Variants in VCL observed in about 807,000 individuals in gnomAD.
The protein encoded by VCL is epididymis luminal protein 114.
VCL carries 47 observed loss-of-function variants against 125.7 expected under a neutral mutation model. That is an observed-to-expected ratio of 0.37 (90% CI 0.30 to 0.48). VCL has a LOEUF of 0.48. Among genes scored for constraint, VCL ranks in the 20% least tolerant of loss-of-function variants. The probability of loss-of-function intolerance (pLI) is 0.99; values close to 1 mark genes in which losing one functional copy is unlikely to be tolerated. For missense variants in VCL, 1,069 were observed against 1,455.5 expected, an observed-to-expected ratio of 0.73 and a Z score of 4.32; for synonymous variants, 458 against 514.6, an observed-to-expected ratio of 0.89 and a Z score of 1.49.
At chr10:74,107,888 T>G (rs995273747) in intron 17 of VCL, among the ~76,000 whole-genome samples, 3 of 152,190 alleles carry the variant, frequency 2.0e-5, no homozygotes, top group Admixed American at 6.5e-5. Flanking sequence ...GAATATATTT[T>G]TACATGGTGT....
intron 2 of VCL, among the ~76,000 whole-genome samples, chr10:74,052,161 T>C (rs890915633): frequency 3.3e-5 from 5 of 152,112 alleles, no homozygotes; most frequent in Admixed American, 6.6e-5. Flanking sequence ...CCCTGGTGGG[T>C]GTGTCTTATG....
intron 2 of VCL, among the ~76,000 whole-genome samples, chr10:74,051,084 C>T (rs1841290442): frequency 6.6e-6 from 1 of 151,878 alleles, no homozygotes; most frequent in South Asian, 2.1e-4. Flanking sequence ...GGATTACAGG[C>T]ATATGCCACC....
intron 2 of VCL, among the ~76,000 whole-genome samples, chr10:74,065,246 C>T (rs111819151): frequency 0.023 from 3,418 of 151,706 alleles, 66 homozygotes; most frequent in South Asian, 0.074. Context: ...AAGCAATTCT[C>T]CTGCCTCAGC....
At position 74,100,997 on chromosome 10, in the gene VCL, G is replaced by C; in HGVS notation, c.1922G>C (p.Gly641Ala). ...TTTGAAAACCATTCAGGAAAGCTTG[G>C]TGCTACGGCCGAGAAGGCGGCTGCG... ...ANFENHSGKL[G>A]ATAEKAAAVG... Residue 641 changes from glycine (G) to alanine (A), a missense_variant, in exon 14 of 22, where the codon GGT (glycine) becomes GCT (alanine). Physicochemically the swap from Gly to Ala is moderately conservative, Grantham distance 60. Coordinates refer to ENST00000211998, the MANE Select transcript of VCL (RefSeq NM_014000.3). 1 of 1,614,046 alleles carries C rather than the reference G, an allele frequency of 6.2e-7. No homozygotes were observed.
intron 16 of VCL, 115 bp downstream of exon 16, chr10:74,105,468 A>G (rs760240838): frequency 3.5e-5 from 45 of 1,284,924 alleles, no homozygotes; most frequent in Non-Finnish European, 4.4e-5. Flanking sequence ...CAAAAACTAT[A>G]GACACTTAGT....
chr10:73,998,617 G>A (rs1196163266), intron 1 of VCL, among the ~76,000 whole-genome samples: 1 of 152,224 alleles, frequency 6.6e-6, no homozygotes, highest in South Asian at 2.1e-4. Flanking sequence ...GCTGCCTTGC[G>A]GGCTTGTCGT....
At chr10:74,036,747 G>A (rs1441825622) in intron 1 of VCL, among the ~76,000 whole-genome samples, 1 of 151,302 alleles carries the variant, frequency 6.6e-6, no homozygotes, top group Non-Finnish European at 1.5e-5. Context: ...GATTCTTACT[G>A]ACCTGTTTGC....
chr10:74,038,085 C>T lies in VCL; in HGVS notation c.169-4998C>T, dbSNP rs548991794. 2.0e-5 allele frequency among the ~76,000 whole-genome samples: 3 copies of T among 151,864 alleles called. No individual in the cohort carries two copies. In the South Asian group the frequency reaches 6.2e-4, roughly 32 times the overall value. Reference sequence around the variant, plus strand: ...CGATCTCAGTTCACTGCAACCTCCTCCTCCCAGGTTCAAGCAATTTTCCTG... The same window carrying T: ...CGATCTCAGTTCACTGCAACCTCCTTCTCCCAGGTTCAAGCAATTTTCCTG... On this transcript the variant is annotated intron_variant, in intron 1 of 21. Transcript: ENST00000211998.
chr10:74,076,422 T>C (rs1469529580), intron 6 of VCL: 1 of 152,658 alleles, frequency 6.6e-6, no homozygotes, highest in Non-Finnish European at 1.5e-5. Flanking sequence ...GTCTTTCCCA[T>C]TGACTTCATT....
intron 8 of VCL, among the ~76,000 whole-genome samples, chr10:74,086,688 C>T (rs764976869): frequency 4.6e-4 from 70 of 152,262 alleles, no homozygotes; most frequent in Non-Finnish European, 8.5e-4. Context: ...TGTAGGGGTT[C>T]CACCATTAAT....
chr10:74,042,931 C>G lies in VCL; in HGVS notation c.169-152C>G. 7.2e-6 allele frequency: 5 copies of G among 696,992 alleles called. No homozygotes were observed. In the South Asian group the frequency reaches 9.2e-5, roughly 13 times the overall value. The allele number at this position is 696,992 out of a possible 1,614,324, so 43.2% of individuals were successfully genotyped here. On this transcript the variant is annotated intron_variant, in intron 1 of 21. Coordinates refer to ENST00000211998, the MANE Select transcript of VCL (RefSeq NM_014000.3). ...TGTGAAGGCATATTATGTGAGTAAT[C>G]CTAAAAAATTTTTTAAATCCAGAAA...
intron 2 of VCL, among the ~76,000 whole-genome samples, chr10:74,062,735 C>T (rs371427899): frequency 1.4e-4 from 22 of 152,156 alleles, no homozygotes; most frequent in African/African-American, 3.9e-4. Context: ...CAGGTACTTA[C>T]CACTGTTCCT....
At chr10:74,012,398 G>C (rs182920073) in intron 1 of VCL, among the ~76,000 whole-genome samples, 5 of 152,292 alleles carry the variant, frequency 3.3e-5, no homozygotes, top group Admixed American at 3.3e-4. Context: ...GGATATATAA[G>C]ATATGGTCTC....
chr10:74,062,872 A>C (rs1841501970), intron 2 of VCL, among the ~76,000 whole-genome samples: 1 of 152,052 alleles, frequency 6.6e-6, no homozygotes, highest in Non-Finnish European at 1.5e-5. Flanking sequence ...GTTCGAGACC[A>C]GCCTGGCCAT....
intron 10 of VCL, among the ~76,000 whole-genome samples, chr10:74,091,163 A>G (rs562120215): frequency 1.2e-4 from 18 of 152,314 alleles, no homozygotes; most frequent in African/African-American, 4.1e-4. Context: ...CACATGCTAA[A>G]ATAACACTAA....
chr10:74,001,905 C>T (rs1840232512), intron 1 of VCL, among the ~76,000 whole-genome samples: 1 of 152,076 alleles, frequency 6.6e-6, no homozygotes, highest in South Asian at 2.1e-4. Flanking sequence ...AGAAAGTGTA[C>T]ATTTTGACTG....
At chr10:74,007,232 G>A (rs912338277) in intron 1 of VCL, among the ~76,000 whole-genome samples, 2 of 152,160 alleles carry the variant, frequency 1.3e-5, no homozygotes, top group Admixed American at 1.3e-4. Context: ...ACCTGCCTTG[G>A]CCTCCCAAAG....
rs1564537252 is a variant in VCL, at chr10:74,119,081, T to TATC, written c.*915_*917dup. On this transcript the variant is annotated 3_prime_UTR_variant, in exon 22 of 22. Transcript: ENST00000211998. Reference sequence around the variant, plus strand: ...CCTGCAGAGGTCTGTGCTGAGGCCTTATCATTCATTCTTAGCTCTTAATTG... The same window carrying TATC: ...CCTGCAGAGGTCTGTGCTGAGGCCTTATCATCATTCATTCTTAGCTCTTAATTG... 6.6e-6 allele frequency: 1 copy of TATC among 152,666 alleles called. No homozygotes were observed. The highest frequency in any genetic ancestry group is 2.4e-5 in the African/African-American group (1 of 41,464). 9.5% of individuals were successfully genotyped at this position (152,666 alleles called of 1,614,324 possible). A position where few individuals can be genotyped will look rare whatever the true frequency, so the allele number is the denominator to read the frequency against.
At chr10:74,066,365 G>A (rs1322363987) in intron 2 of VCL, among the ~76,000 whole-genome samples, 1 of 151,916 alleles carries the variant, frequency 6.6e-6, no homozygotes, top group African/African-American at 2.4e-5. Flanking sequence ...GGCCAATTTT[G>A]GTATATTCTC....
Sources: allele counts gnomAD v4.1 joint callset (sites outside exome capture counted in the v4.1 genomes callset), GRCh38; gene constraint gnomAD v4.1.1; transcripts MANE v1.5; gene names NCBI Gene and HGNC (gene_info 2026-07-23, HGNC 2026-07-21).